Variants in RPS6KA2 observed in about 807,000 individuals in gnomAD.
RPS6KA2 encodes ribosomal protein S6 kinase alpha-2.
Under a neutral mutation model 91.8 loss-of-function variants are expected in RPS6KA2, and 42 were observed. The observed-to-expected ratio is 0.46, with a 90% CI of 0.36 to 0.59. The LOEUF (loss-of-function observed/expected upper bound fraction) is 0.59, where lower values mean the gene tolerates loss of function less well. RPS6KA2 is among the 20% of genes least tolerant of loss of function. The probability of loss-of-function intolerance (pLI) is 0.00; values close to 1 mark genes in which losing one functional copy is unlikely to be tolerated. For synonymous variants in RPS6KA2, 414 were observed against 393.6 expected (o/e 1.05, Z -0.61); for missense variants, 798 against 978.5 (o/e 0.82, Z 2.46).
chr6:166,634,053 G>A lies in RPS6KA2; in HGVS notation c.124-95269C>T, dbSNP rs74425445. Among the ~76,000 whole-genome samples, 510 of 152,314 alleles carry A rather than the reference G, an allele frequency of 3.3e-3. 2 individuals are homozygous for A. Among genetic ancestry groups the A allele is most frequent in the African/African-American group, 0.012 (484 of 41,570 alleles). Reference sequence around the variant, plus strand: ...TGTGGGCAGAGTGTGGGCTCAGGGCGTGGGGTCAGGCAGAGGGAATGACGT... The same window carrying A: ...TGTGGGCAGAGTGTGGGCTCAGGGCATGGGGTCAGGCAGAGGGAATGACGT... On this transcript the variant is annotated intron_variant, in intron 2 of 21. Coordinates refer to the RPS6KA2 transcript ENST00000503859.
intron 10 of RPS6KA2, among the ~76,000 whole-genome samples, chr6:166,479,983 C>T (rs780950757): frequency 2.7e-5 from 4 of 150,054 alleles, no homozygotes; most frequent in Admixed American, 2.6e-4. Context: ...CCTGTGTAGA[C>T]GACGGTAATT....
intron 2 of RPS6KA2, among the ~76,000 whole-genome samples, chr6:166,784,369 C>T (rs1239294681): frequency 6.9e-5 from 3 of 43,558 alleles, no homozygotes; most frequent in Admixed American, 2.7e-4. Context: ...ACCACATATG[C>T]ACACGTGCAC....
intron 2 of RPS6KA2, among the ~76,000 whole-genome samples, chr6:166,796,842 C>T (rs955306953): frequency 3.3e-5 from 5 of 152,206 alleles, no homozygotes; most frequent in Non-Finnish European, 7.3e-5. Flanking sequence ...CACAGTCACA[C>T]GAGTCACTCG....
rs371050835 is a variant in RPS6KA2, at chr6:166,643,819, C to T, written c.124-105035G>A. Among the ~76,000 whole-genome samples, 109 of 152,312 alleles carry T rather than the reference C, an allele frequency of 7.2e-4. 1 individual carries two copies. Among genetic ancestry groups the T allele is most frequent in the Middle Eastern group, 6.8e-3 (2 of 294 alleles). The stretch of plus-strand genomic sequence containing the variant: ...TGCCCTGGCAGATGCTCTTAAGATA[C>T]TAGGAATTTCTTAGATGGGAATACT... On this transcript the variant is annotated intron_variant, in intron 2 of 21. Coordinates refer to the RPS6KA2 transcript ENST00000503859.
intron 2 of RPS6KA2, among the ~76,000 whole-genome samples, chr6:166,764,014 G>A (rs954062181): frequency 6.6e-6 from 1 of 152,258 alleles, no homozygotes; most frequent in Admixed American, 6.5e-5. Flanking sequence ...GGTTCTTGTT[G>A]TTCGGCTAGA....
At chr6:166,496,098 C>G (rs573411930) in intron 8 of RPS6KA2, among the ~76,000 whole-genome samples, 1 of 152,298 alleles carries the variant, frequency 6.6e-6, no homozygotes, top group Admixed American at 6.5e-5. Context: ...CGCCTGCAAC[C>G]CTAGCACTTC....
At chr6:166,716,369 C>T (rs1384076790) in intron 2 of RPS6KA2, among the ~76,000 whole-genome samples, 2 of 152,168 alleles carry the variant, frequency 1.3e-5, no homozygotes, top group African/African-American at 4.8e-5. Flanking sequence ...CTCGAGTTGC[C>T]GGAGCCTGTC....
At chr6:166,652,695 C>T (rs947417539) in intron 2 of RPS6KA2, among the ~76,000 whole-genome samples, 5 of 152,102 alleles carry the variant, frequency 3.3e-5, no homozygotes, top group African/African-American at 9.7e-5. Context: ...CCCAGCTAGG[C>T]GAGAGTTGAG....
intron 1 of RPS6KA2, among the ~76,000 whole-genome samples, chr6:166,604,530 C>T (rs941399337): frequency 7.2e-5 from 11 of 152,184 alleles, no homozygotes; most frequent in Non-Finnish European, 1.2e-4. Flanking sequence ...GCTTCCCGGG[C>T]GGGGCCATCC....
At chr6:166,611,175 GTAT>G (rs1786158386) in intron 1 of RPS6KA2, among the ~76,000 whole-genome samples, 1 of 152,084 alleles carries the variant, frequency 6.6e-6, no homozygotes, top group African/African-American at 2.4e-5. Flanking sequence ...AAATTTAAAA[GTAT>G]TATTATATTT....
At position 166,779,310 on chromosome 6, in the gene RPS6KA2, G is replaced by A. The variant is rs141881218; in HGVS notation, c.123+78890C>T. 2.6e-5 allele frequency among the ~76,000 whole-genome samples: 4 copies of A among 152,270 alleles called. No individual in the cohort carries two copies. The East Asian group carries it at 5.8e-4, about 22-fold the overall frequency. ...TTCAAAAGCAAAGAGACTGCCTTCC[G>A]TCCAGTAAAGATTTAAAGCACACCT... On this transcript the variant is annotated intron_variant, in intron 2 of 21. Coordinates refer to the RPS6KA2 transcript ENST00000503859.
At chr6:166,854,757 C>T (rs1257128935) in intron 2 of RPS6KA2, among the ~76,000 whole-genome samples, 1 of 152,186 alleles carries the variant, frequency 6.6e-6, no homozygotes, top group East Asian at 1.9e-4. Flanking sequence ...GAATGTAAAT[C>T]AGCACAACCT....
chr6:166,792,799 A>C lies in RPS6KA2; in HGVS notation c.123+65401T>G, dbSNP rs565826906. Among the ~76,000 whole-genome samples the C allele has an allele frequency of 1.9e-4, 29 of 152,336 alleles. No homozygotes were observed. The South Asian group carries it at 5.4e-3, about 28-fold the overall frequency. The stretch of plus-strand genomic sequence containing the variant: ...TGCAGAAAAGGCCTTTGACAAAATT[A>C]AACAGCCCTTCATGCTAAAAACTCT... On this transcript the variant is annotated intron_variant, in intron 2 of 21. Transcript: ENST00000503859.
chr6:166,591,852 T>C (rs780604465), intron 1 of RPS6KA2, among the ~76,000 whole-genome samples: 48 of 152,192 alleles, frequency 3.2e-4, no homozygotes, highest in Non-Finnish European at 6.3e-4. Flanking sequence ...CCTTCAAGCC[T>C]GTGTGTATTA....
intron 1 of RPS6KA2, among the ~76,000 whole-genome samples, chr6:166,541,767 C>T (rs920765017): frequency 2.6e-5 from 4 of 152,192 alleles, no homozygotes; most frequent in Admixed American, 2.6e-4. Flanking sequence ...ACGCAGATAT[C>T]TCATAACATT....
rs199807006 is a variant in RPS6KA2 at position 166,508,239 on chromosome 6, C to T, written c.423G>A (p.Leu141=). ...EGKLYLILDF[L]RGGDLFTRLS... is the part of the protein sequence containing the mutation. ...GCCGGGTGAAGAGGTCCCCTCCCCG[C>T]AGGAAGTCCAGGATCAGGTAGAGCT... The change falls in exon 5 of 21, where the codon CTG becomes CTA. Residue 141 remains leucine, a synonymous_variant. Transcript: ENST00000265678. The surrounding 1 kb of genome is among the most constrained non-coding windows in gnomAD (Gnocchi z 4.3). The T allele has an allele frequency of 6.2e-7, 1 of 1,613,802 alleles. No individual in the cohort carries two copies.
intron 1 of RPS6KA2, among the ~76,000 whole-genome samples, chr6:166,543,972 G>T (rs939712307): frequency 9.2e-5 from 14 of 152,254 alleles, no homozygotes; most frequent in African/African-American, 3.4e-4. Context: ...CCTGGGGCCA[G>T]CCCTGGGATT....
At chr6:166,414,298 A>G (rs1778422369) in intron 19 of RPS6KA2, among the ~76,000 whole-genome samples, 1 of 152,238 alleles carries the variant, frequency 6.6e-6, no homozygotes, top group African/African-American at 2.4e-5. Flanking sequence ...GTAGAAATCA[A>G]TTCATAATGA....
At position 166,412,473 on chromosome 6, in the gene RPS6KA2, G is replaced by C; in HGVS notation, c.*289C>G. ...AAGCCATGTATGAGAGGACCCGCGG[G>C]CTCTGAAAGAAGCCCCCGGCCTCGC... On this transcript the variant is annotated 3_prime_UTR_variant, in exon 21 of 21. Coordinates refer to ENST00000265678, the MANE Select transcript of RPS6KA2 (RefSeq NM_021135.6). The surrounding 1 kb of genome is among the most constrained non-coding windows in gnomAD (Gnocchi z 4.3). 1 of 259,306 alleles carries C rather than the reference G, an allele frequency of 3.9e-6. No individual in the cohort carries two copies. The highest frequency in any genetic ancestry group is 1.0e-4 in the South Asian group (1 of 9,898). 16.1% of individuals were successfully genotyped at this position (259,306 alleles called of 1,614,324 possible). A position where few individuals can be genotyped will look rare whatever the true frequency, so the allele number is the denominator to read the frequency against.
Sources: allele counts gnomAD v4.1 joint callset (sites outside exome capture counted in the v4.1 genomes callset), GRCh38; gene constraint gnomAD v4.1.1; non-coding constraint Gnocchi (gnomAD v3.1); transcripts MANE v1.5; gene names NCBI Gene and HGNC (gene_info 2026-07-23, HGNC 2026-07-21).